The following CHLSN variants were observed in gnomAD, a reference collection of about 807,000 sequenced individuals.
CHLSN encodes protein cholesin.
the CHLSN span, chr7:1,010,258 C>G: frequency 2.1e-6 from 2 of 942,114 alleles, no homozygotes; most frequent in Non-Finnish European, 3.1e-6. Context: ...AGCTCTGTCC[C>G]CAAGCACTGG....
the CHLSN span, among the ~76,000 whole-genome samples, chr7:1,050,586 C>T: frequency 6.6e-6 from 1 of 152,230 alleles, no homozygotes; most frequent in Non-Finnish European, 1.5e-5. Context: ...CTGGTGCAGG[C>T]GGACGGACGC....
chr7:1,114,844 G>A, the CHLSN span, among the ~76,000 whole-genome samples: 5 of 152,270 alleles, frequency 3.3e-5, no homozygotes, highest in African/African-American at 1.2e-4. Flanking sequence ...GAGGTGGAGG[G>A]GCTCGCAGGA....
At chr7:1,046,579 C>T in the CHLSN span, among the ~76,000 whole-genome samples, 2 of 152,200 alleles carry the variant, frequency 1.3e-5, no homozygotes, top group Admixed American at 6.5e-5. Context: ...AGTAGAATAA[C>T]GTTTCGCTCC....
the CHLSN span, among the ~76,000 whole-genome samples, chr7:1,019,212 C>CG: frequency 2.7e-3 from 50 of 18,756 alleles, no homozygotes; most frequent in East Asian, 0.014. Flanking sequence ...AAAAAAAAAA[C>CG]GGGGGGGGGG....
At chr7:1,081,152 C>T in the CHLSN span, among the ~76,000 whole-genome samples, 4 of 152,260 alleles carry the variant, frequency 2.6e-5, no homozygotes, top group Non-Finnish European at 4.4e-5. Context: ...CCCCGCGTGC[C>T]GTCATCCAGG....
At chr7:1,026,332 T>C in the CHLSN span, 1 of 152,256 alleles carries the variant, frequency 6.6e-6, no homozygotes, top group Non-Finnish European at 1.5e-5. Context: ...CTCCAGCTGC[T>C]GGGCGCGCAA....
At chr7:1,092,560 T>G in the CHLSN span, 1 of 1,610,250 alleles carries the variant, frequency 6.2e-7, no homozygotes, top group Non-Finnish European at 8.5e-7. Context: ...GGAGAACGTC[T>G]TCATCAGCGT....
At chr7:1,011,539 C>T in the CHLSN span, among the ~76,000 whole-genome samples, 1 of 150,358 alleles carries the variant, frequency 6.7e-6, no homozygotes, top group Non-Finnish European at 1.5e-5. Flanking sequence ...CTGCAGACAC[C>T]CACAAACACC....
the CHLSN span, chr7:1,074,548 C>G: frequency 6.6e-6 from 1 of 152,092 alleles, no homozygotes; most frequent in African/African-American, 2.4e-5. Flanking sequence ...TCAGTGACCA[C>G]AGCCACCATG....
At chr7:1,119,875 CA>C in the CHLSN span, among the ~76,000 whole-genome samples, 303 of 117,758 alleles carry the variant, frequency 2.6e-3, no homozygotes, top group Non-Finnish European at 3.4e-3. Context: ...GAAACTCCGT[CA>C]AAAAAAAAAA....
chr7:996,140 GC>G, the CHLSN span, among the ~76,000 whole-genome samples: 1 of 152,356 alleles, frequency 6.6e-6, no homozygotes, highest in Admixed American at 6.5e-5. Context: ...GCTCTGAGGT[GC>G]AGGCCCCGAG....
the CHLSN span, chr7:988,128 C>T: frequency 3.1e-6 from 3 of 957,730 alleles, no homozygotes; most frequent in East Asian, 2.6e-5. Context: ...ATGTGGCCTC[C>T]CTGGGTTTGG....
At chr7:1,057,986 G>A in the CHLSN span, 29 of 770,576 alleles carry the variant, frequency 3.8e-5, no homozygotes, top group Non-Finnish European at 6.7e-5. Flanking sequence ...GCGCGCTGCT[G>A]ACCAGCTTCT....
At chr7:1,087,759 G>A in the CHLSN span, among the ~76,000 whole-genome samples, 1 of 152,242 alleles carries the variant, frequency 6.6e-6, no homozygotes, top group Non-Finnish European at 1.5e-5. Context: ...ATGCTACTAA[G>A]TTAATTATGA....
chr7:1,112,345 G>A, the CHLSN span, among the ~76,000 whole-genome samples: 7 of 152,306 alleles, frequency 4.6e-5, no homozygotes, highest in Middle Eastern at 3.4e-3. Context: ...GAGGCCGGCC[G>A]GGAGCCCAGT....
the CHLSN span, among the ~76,000 whole-genome samples, chr7:1,001,285 T>C: frequency 2.0e-5 from 3 of 152,174 alleles, no homozygotes; most frequent in African/African-American, 7.2e-5. Flanking sequence ...CCTGTGCCTG[T>C]TGTGAGCGCT....
chr7:1,121,574 G>A, the CHLSN span, among the ~76,000 whole-genome samples: 9 of 152,186 alleles, frequency 5.9e-5, no homozygotes, highest in African/African-American at 1.9e-4. Flanking sequence ...CAAATCCAGA[G>A]CCTCTACACG....
At chr7:1,094,915 T>C in the CHLSN span, among the ~76,000 whole-genome samples, 1 of 152,008 alleles carries the variant, frequency 6.6e-6, no homozygotes, top group African/African-American at 2.4e-5. Context: ...CCCACTTCTA[T>C]CAGGATTGCT....
the CHLSN span, chr7:1,077,987 G>A: frequency 6.6e-6 from 1 of 152,220 alleles, no homozygotes; most frequent in African/African-American, 2.4e-5. Flanking sequence ...TCACAGTGGT[G>A]GGAAGTTTCT....
Sources: allele counts gnomAD v4.1 joint callset (sites outside exome capture counted in the v4.1 genomes callset), GRCh38; gene constraint gnomAD v4.1.1; transcripts MANE v1.5; gene names NCBI Gene and HGNC (gene_info 2026-07-23, HGNC 2026-07-21).